STXBP5L: variants seen among roughly 807,000 people sequenced by gnomAD.
STXBP5L encodes the protein syntaxin binding protein 5L.
A neutral mutation model predicts 144.5 loss-of-function variants in STXBP5L; 65 were observed. The observed-to-expected ratio is 0.45, with a 90% confidence interval of 0.37 to 0.55. The LOEUF is 0.55. STXBP5L is among the 20% of genes least tolerant of loss of function. The pLI is 0.00. For synonymous variants in STXBP5L, 505 were observed against 469.6 expected, an observed-to-expected ratio of 1.08 and a Z score of -0.97; for missense variants, 1,298 against 1,405.5, an observed-to-expected ratio of 0.92 and a Z score of 1.22.
At chr3:120,912,385 G>A (rs754704313) in intron 2 of STXBP5L, among the ~76,000 whole-genome samples, 12 of 151,812 alleles carry the variant, frequency 7.9e-5, no homozygotes, top group Non-Finnish European at 1.0e-4. Flanking sequence ...AAAAAATGTG[G>A]CAACTCATGG....
At chr3:121,108,579 T>C (rs2043823137) in intron 5 of STXBP5L, among the ~76,000 whole-genome samples, 1 of 152,210 alleles carries the variant, frequency 6.6e-6, no homozygotes. Flanking sequence ...TTGATCGTGG[T>C]AGATAAACTT....
intron 9 of STXBP5L, 134 bp from the exon 10 acceptor site, chr3:121,205,787 TAA>T (rs1187420628): frequency 9.4e-6 from 4 of 423,282 alleles, no homozygotes; most frequent in Non-Finnish European, 1.7e-5. Context: ...TTCATAGATA[TAA>T]GTTTATCCTA....
intron 19 of STXBP5L, among the ~76,000 whole-genome samples, chr3:121,300,947 T>C (rs1410324988): frequency 1.3e-5 from 2 of 152,232 alleles, no homozygotes; most frequent in Admixed American, 6.5e-5. Flanking sequence ...TTGATTACTG[T>C]AGCCTTGTAG....
intron 3 of STXBP5L, among the ~76,000 whole-genome samples, chr3:120,987,707 A>T (rs1942425001): frequency 6.6e-6 from 1 of 151,810 alleles, no homozygotes; most frequent in African/African-American, 2.4e-5. Context: ...CCTTTTTTTA[A>T]AAAATAAAAT....
intron 22 of STXBP5L, among the ~76,000 whole-genome samples, chr3:121,403,692 A>G (rs2046935263): frequency 6.6e-6 from 1 of 152,218 alleles, no homozygotes; most frequent in Admixed American, 6.5e-5. Flanking sequence ...ATTAGACACT[A>G]ATAAGTACTA....
chr3:121,127,996 G>C (rs551405454), intron 7 of STXBP5L, among the ~76,000 whole-genome samples: 1 of 152,146 alleles, frequency 6.6e-6, no homozygotes, highest in East Asian at 1.9e-4. Flanking sequence ...TCAGATCTCA[G>C]ATCTCAGCAC....
intron 3 of STXBP5L, among the ~76,000 whole-genome samples, chr3:120,984,632 C>CTTTTTTTTT (rs35656223): frequency 5.8e-4 from 42 of 71,968 alleles, no homozygotes; most frequent in Admixed American, 6.6e-4. Flanking sequence ...TCTTTCTTTC[C>CTTTTTTTTT]TTTTTTTTTT....
At chr3:121,052,252 A>G (rs578223758) in intron 5 of STXBP5L, among the ~76,000 whole-genome samples, 6 of 152,066 alleles carry the variant, frequency 3.9e-5, no homozygotes, top group Non-Finnish European at 8.8e-5. Flanking sequence ...TCATCCTGGC[A>G]TCCAGGCTTT....
chr3:120,925,469 A>G (rs1006037043), intron 2 of STXBP5L, among the ~76,000 whole-genome samples: 2 of 152,218 alleles, frequency 1.3e-5, no homozygotes, highest in African/African-American at 4.8e-5. Flanking sequence ...TCTGATCTAC[A>G]TATAGCTACT....
In STXBP5L at chr3:121,318,547, A is replaced by G; in HGVS notation, c.2176+7A>G. The G allele has an allele frequency of 6.5e-7, 1 of 1,536,862 alleles. No homozygotes were observed. The highest frequency in any genetic ancestry group is 2.4e-5 in the East Asian group (1 of 41,192). The stretch of plus-strand genomic sequence containing the variant: ...TGCAAGTCTCCTACCTCAGGTAAAC[A>G]TGAGTGGTATTTTGCAGACTTCTGG... On this transcript the variant is annotated splice_region_variant and intron_variant, in intron 20 of 26. Transcript: ENST00000471454.
chr3:121,360,624 TA>T (rs2045684618), intron 20 of STXBP5L, among the ~76,000 whole-genome samples: 1 of 152,110 alleles, frequency 6.6e-6, no homozygotes, highest in Non-Finnish European at 1.5e-5. Context: ...ACCCGCTATT[TA>T]ACCTGATAAC....
intron 9 of STXBP5L, among the ~76,000 whole-genome samples, chr3:121,163,441 A>T (rs113531363): frequency 0.019 from 2,902 of 152,080 alleles, 85 homozygotes; most frequent in African/African-American, 0.065. Context: ...GGGCAAGGAG[A>T]GGGAAAGCAT....
At chr3:121,327,590 CTAGG>C (rs2044190961) in intron 20 of STXBP5L, among the ~76,000 whole-genome samples, 1 of 152,140 alleles carries the variant, frequency 6.6e-6, no homozygotes, top group African/African-American at 2.4e-5. Flanking sequence ...ATAGATGTAA[CTAGG>C]TAAGTGATTA....
At chr3:121,162,420 C>G (rs1035921713) in intron 9 of STXBP5L, among the ~76,000 whole-genome samples, 2 of 152,108 alleles carry the variant, frequency 1.3e-5, no homozygotes, top group African/African-American at 4.8e-5. Flanking sequence ...AAAATCAACT[C>G]AAGGTGGATT....
rs151039729 is a variant in STXBP5L at position 121,204,021 on chromosome 3, C to T, written c.878-1902C>T. On this transcript the variant is annotated intron_variant, in intron 9 of 26. Transcript: ENST00000471454. Reference sequence around the variant, plus strand: ...TGGGAGGCTGAGAACAGGTGGATCACGAGGTCAGGAGATTGAGACCATCCT... The same window carrying T: ...TGGGAGGCTGAGAACAGGTGGATCATGAGGTCAGGAGATTGAGACCATCCT... Among the ~76,000 whole-genome samples the T allele has an allele frequency of 4.6e-3, 707 of 152,120 alleles. 4 individuals carry two copies. The highest frequency in any genetic ancestry group is 0.016 in the African/African-American group (659 of 41,514).
chr3:121,112,077 G>A (rs777020558), intron 5 of STXBP5L, among the ~76,000 whole-genome samples: 2 of 152,102 alleles, frequency 1.3e-5, no homozygotes, highest in East Asian at 1.9e-4. Context: ...AGTCTCCCTC[G>A]CACCAGCAGG....
chr3:120,981,668 T>A (rs771242324), intron 3 of STXBP5L, among the ~76,000 whole-genome samples: 1 of 152,244 alleles, frequency 6.6e-6, no homozygotes, highest in Non-Finnish European at 1.5e-5. Flanking sequence ...TTTGAATTCT[T>A]TATCTTTGAA....
At position 120,996,783 on chromosome 3, in the gene STXBP5L, G is replaced by A. The variant is rs375497491; in HGVS notation, c.287+41746G>A. On this transcript the variant is annotated intron_variant, in intron 3 of 26. Coordinates refer to ENST00000471454, the MANE Select transcript of STXBP5L (RefSeq NM_001308330.2). ...TTCATCCATGTTGTTGCAAATGAGAGAAATTCCCACTTTTCTTGCTTTCCA... is the reference window on the plus strand; with the variant it reads ...TTCATCCATGTTGTTGCAAATGAGAAAAATTCCCACTTTTCTTGCTTTCCA... Among the ~76,000 whole-genome samples the A allele has an allele frequency of 2.6e-3, 402 of 152,212 alleles. 2 individuals are homozygous for A. The highest frequency in any genetic ancestry group is 8.4e-3 in the African/African-American group (350 of 41,556).
intron 9 of STXBP5L, among the ~76,000 whole-genome samples, chr3:121,160,944 C>T (rs1003832854): frequency 6.6e-6 from 1 of 152,120 alleles, no homozygotes; most frequent in Non-Finnish European, 1.5e-5. Flanking sequence ...TAACACTTCA[C>T]ATAAAATTTG....
Sources: gnomAD v4.1 joint callset for allele counts (sites outside exome capture counted in the v4.1 genomes callset) on GRCh38, gnomAD v4.1.1 for gene constraint, MANE v1.5 for transcripts, NCBI Gene and HGNC (gene_info 2026-07-23, HGNC 2026-07-21) for gene names.